PCDH15: variants seen among roughly 807,000 people sequenced by gnomAD.
The protein encoded by PCDH15 is protocadherin-15.
Under a neutral mutation model 178.5 loss-of-function variants are expected in PCDH15, and 129 were observed. The observed-to-expected ratio is 0.72, with a 90% confidence interval of 0.63 to 0.84. The LOEUF is 0.84. PCDH15 is among the 40% of genes least tolerant of loss of function. PCDH15 has a pLI of 0.00. For missense variants in PCDH15, 2,230 were observed against 2,099.9 expected (o/e 1.06, Z -1.21); for synonymous variants, 800 against 732.0 (o/e 1.09, Z -1.50).
At chr10:54,952,729 C>T (rs950531506) in intron 2 of PCDH15, among the ~76,000 whole-genome samples, 1 of 151,516 alleles carries the variant, frequency 6.6e-6, no homozygotes, top group Non-Finnish European at 1.5e-5. Context: ...AGATTTTTTA[C>T]CCAAGTATTT....
chr10:54,714,627 G>C (rs2095458626), intron 1 of PCDH15, among the ~76,000 whole-genome samples: 1 of 151,998 alleles, frequency 6.6e-6, no homozygotes, highest in Non-Finnish European at 1.5e-5. Context: ...ACATATCTTA[G>C]GATATCTTTT....
intron 10 of PCDH15, among the ~76,000 whole-genome samples, chr10:54,206,409 G>T (rs2050801083): frequency 6.6e-6 from 1 of 152,012 alleles, no homozygotes; most frequent in Admixed American, 6.6e-5. Context: ...ATAAAATTCT[G>T]ATAGTGATAA....
intron 2 of PCDH15, among the ~76,000 whole-genome samples, chr10:55,495,235 A>C (rs1379700691): frequency 6.6e-6 from 1 of 151,800 alleles, no homozygotes; most frequent in East Asian, 1.9e-4. Flanking sequence ...CAATCAATGG[A>C]ATAAAATATA....
At chr10:53,827,569 C>T in intron 31 of PCDH15, 21 bp from the exon 32 acceptor site, 1 of 1,613,946 alleles carries the variant, frequency 6.2e-7, no homozygotes, top group South Asian at 1.1e-5. Flanking sequence ...GTAAGGATGG[C>T]TTGTAAAACT....
intron 3 of PCDH15, among the ~76,000 whole-genome samples, chr10:54,506,237 AT>A (rs911703452): frequency 2.0e-5 from 3 of 151,808 alleles, no homozygotes; most frequent in Non-Finnish European, 2.9e-5. Flanking sequence ...CAACACACTG[AT>A]TTTTTTTCTC....
intron 2 of PCDH15, among the ~76,000 whole-genome samples, chr10:54,976,076 T>A (rs1303125042): frequency 6.6e-6 from 1 of 152,258 alleles, no homozygotes; most frequent in East Asian, 1.9e-4. Context: ...AATTGAGCAA[T>A]CTCTCAGCCT....
chr10:55,538,466 C>CT (rs1841646154), intron 2 of PCDH15, among the ~76,000 whole-genome samples: 1 of 145,488 alleles, frequency 6.9e-6, no homozygotes, highest in Non-Finnish European at 1.5e-5. Context: ...TCCTTCCTTC[C>CT]TCCCTCCCTT....
chr10:55,025,089 T>C (rs1211950089), intron 2 of PCDH15, among the ~76,000 whole-genome samples: 2 of 152,206 alleles, frequency 1.3e-5, no homozygotes, highest in African/African-American at 4.8e-5. Context: ...TAATACCTTT[T>C]AATGTCTCTT....
At chr10:54,690,047 A>C (rs2135780185) in intron 1 of PCDH15, among the ~76,000 whole-genome samples, 1 of 152,266 alleles carries the variant, frequency 6.6e-6, no homozygotes, top group East Asian at 1.9e-4. Flanking sequence ...GCCACTTAAC[A>C]ATGTTTCTGT....
At chr10:54,347,078 C>T (rs916863574) in intron 5 of PCDH15, among the ~76,000 whole-genome samples, 2 of 152,148 alleles carry the variant, frequency 1.3e-5, no homozygotes, top group Admixed American at 6.6e-5. Flanking sequence ...TGGATTAAAA[C>T]ATCAGAACTT....
chr10:55,280,806 A>T (rs543054236), intron 1 of PCDH15, among the ~76,000 whole-genome samples: 11 of 152,256 alleles, frequency 7.2e-5, no homozygotes, highest in African/African-American at 2.4e-4. Flanking sequence ...TTTCATGACC[A>T]CCTCAATGTT....
At chr10:53,934,828 C>T (rs2134014979) in intron 25 of PCDH15, among the ~76,000 whole-genome samples, 1 of 151,978 alleles carries the variant, frequency 6.6e-6, no homozygotes, top group African/African-American at 2.4e-5. Context: ...GCATAAGTTC[C>T]AATAACGCCT....
At chr10:55,456,930 T>C (rs1197472706) in intron 2 of PCDH15, among the ~76,000 whole-genome samples, 2 of 152,088 alleles carry the variant, frequency 1.3e-5, no homozygotes, top group African/African-American at 2.4e-5. Flanking sequence ...AAGAATGCTA[T>C]ATTTTCTGAA....
rs1022221183 is a variant in PCDH15 at position 54,073,465 on chromosome 10, T to C, written c.2091+5866A>G. On this transcript the variant is annotated intron_variant, in intron 17 of 37. Transcript: ENST00000644397. ...ATGTATTTTTGCTTTTGTTAAAGTTTCCTATTTGATTATGAAGTTAAATGC... is the reference window on the plus strand; with the variant it reads ...ATGTATTTTTGCTTTTGTTAAAGTTCCCTATTTGATTATGAAGTTAAATGC... Among the ~76,000 whole-genome samples the C allele has an allele frequency of 8.5e-5, 13 of 152,292 alleles. No homozygotes were observed. The East Asian group carries it at 2.5e-3, about 29-fold the overall frequency.
At chr10:54,762,413 T>C (rs1451251752) in intron 1 of PCDH15, among the ~76,000 whole-genome samples, 1 of 152,112 alleles carries the variant, frequency 6.6e-6, no homozygotes, top group Non-Finnish European at 1.5e-5. Context: ...AAATAATAAC[T>C]AGTGACAATG....
chr10:54,021,131 A>C (rs2092908640), intron 19 of PCDH15, among the ~76,000 whole-genome samples: 1 of 152,088 alleles, frequency 6.6e-6, no homozygotes, highest in South Asian at 2.1e-4. Context: ...GTGACATGCT[A>C]TCTAAAAGAT....
At chr10:55,194,716 C>A (rs1457964166) in intron 1 of PCDH15, among the ~76,000 whole-genome samples, 1 of 151,700 alleles carries the variant, frequency 6.6e-6, no homozygotes, top group South Asian at 2.1e-4. Flanking sequence ...TAGACATATA[C>A]CAAATAACTA....
chr10:54,151,784 C>T (rs1218753469), intron 14 of PCDH15, among the ~76,000 whole-genome samples: 1 of 151,992 alleles, frequency 6.6e-6, no homozygotes, highest in Non-Finnish European at 1.5e-5. Context: ...CTAATAAAAA[C>T]ACAGTTAACA....
chr10:54,681,478 T>C (rs1591021968), intron 1 of PCDH15, among the ~76,000 whole-genome samples: 1 of 114,562 alleles, frequency 8.7e-6, no homozygotes, highest in African/African-American at 2.8e-5. Flanking sequence ...AGGGAATGCC[T>C]GAAGCCAAAT....
Sources: gnomAD v4.1 joint callset for allele counts (sites outside exome capture counted in the v4.1 genomes callset) on GRCh38, gnomAD v4.1.1 for gene constraint, MANE v1.5 for transcripts, NCBI Gene and HGNC (gene_info 2026-07-23, HGNC 2026-07-21) for gene names.